STON1: variants seen among roughly 807,000 people sequenced by gnomAD.
The protein encoded by STON1 is stonin 1, also known as stonin-1.
In STON1, 79 loss-of-function variants were observed where a neutral mutation model predicts 60.9. The ratio of observed to expected loss-of-function variants is 1.30; its 90% CI spans 1.08 to 1.56. STON1 has a LOEUF of 1.56. Ranked by LOEUF, STON1 falls within the 40% of genes most tolerant of loss-of-function variation. The pLI, the probability that STON1 is intolerant of heterozygous loss-of-function variation, is 0.00. For synonymous variants in STON1, 363 were observed against 306.9 expected, an observed-to-expected ratio of 1.18 and a Z score of -1.91; for missense variants, 1,166 against 858.9, an observed-to-expected ratio of 1.36 and a Z score of -4.47.
intron 2 of STON1, among the ~76,000 whole-genome samples, chr2:48,585,260 T>G (rs1301793323): frequency 6.6e-6 from 1 of 152,110 alleles, no homozygotes; most frequent in Non-Finnish European, 1.5e-5. Context: ...TTTTTTTTCT[T>G]TTTTTGGGAT....
intron 1 of STON1, among the ~76,000 whole-genome samples, chr2:48,567,975 AC>A (rs1388505807): frequency 6.6e-6 from 1 of 152,190 alleles, no homozygotes; most frequent in Non-Finnish European, 1.5e-5. Context: ...AGCCAATGGA[AC>A]CGCACAGACA....
intron 2 of STON1, 63 bp downstream of exon 2, chr2:48,582,626 C>T: frequency 1.3e-6 from 2 of 1,548,130 alleles, no homozygotes; most frequent in South Asian, 1.3e-5. Flanking sequence ...TTACCTTCCT[C>T]CTTGGGTTGA....
intron 2 of STON1, among the ~76,000 whole-genome samples, chr2:48,586,083 T>G (rs990714163): frequency 6.6e-6 from 1 of 152,234 alleles, no homozygotes; most frequent in Non-Finnish European, 1.5e-5. Context: ...GGCTAAAGCC[T>G]GGCCAGGGTA....
At chr2:48,558,868 C>G (rs139418849) in intron 1 of STON1, among the ~76,000 whole-genome samples, 2 of 152,266 alleles carry the variant, frequency 1.3e-5, no homozygotes, top group African/African-American at 4.8e-5. Flanking sequence ...TTTCTCTGGC[C>G]TTTCCTACAA....
intron 1 of STON1, among the ~76,000 whole-genome samples, chr2:48,565,186 G>A (rs1672887525): frequency 6.6e-6 from 1 of 150,902 alleles, no homozygotes; most frequent in South Asian, 2.1e-4. Flanking sequence ...CCGAGTGGCT[G>A]GGACTACAGG....
chr2:48,569,167 A>C (rs971534855), intron 1 of STON1: 3 of 152,242 alleles, frequency 2.0e-5, no homozygotes, highest in Non-Finnish European at 4.4e-5. Context: ...TGTGAGTATT[A>C]AATGAGATCA....
chr2:48,533,894 C>T (rs1288656358), intron 1 of STON1, among the ~76,000 whole-genome samples: 29 of 151,536 alleles, frequency 1.9e-4, no homozygotes, highest in South Asian at 2.1e-4. Context: ...CTCAGCCACC[C>T]GAGTACCTGG....
At chr2:48,583,630 T>TTC (rs1468591588) in intron 2 of STON1, among the ~76,000 whole-genome samples, 7 of 150,328 alleles carry the variant, frequency 4.7e-5, no homozygotes, top group Admixed American at 1.3e-4. Flanking sequence ...TTTTTTTTTT[T>TTC]CCCCCCTAGC....
chr2:48,577,169 G>C (rs1212878754), intron 1 of STON1, among the ~76,000 whole-genome samples: 1 of 152,084 alleles, frequency 6.6e-6, no homozygotes, highest in East Asian at 1.9e-4. Flanking sequence ...AAACTTTTAA[G>C]TTTAATGGTG....
At chr2:48,541,723 AC>A (rs1200126704) in intron 1 of STON1, among the ~76,000 whole-genome samples, 58 of 135,902 alleles carry the variant, frequency 4.3e-4, no homozygotes, top group Admixed American at 8.9e-4. Context: ...AAAAAAAAAA[AC>A]CACACAAAAA....
chr2:48,553,932 G>A (rs1378695202), intron 1 of STON1, among the ~76,000 whole-genome samples: 1 of 152,240 alleles, frequency 6.6e-6, no homozygotes, highest in Non-Finnish European at 1.5e-5. Flanking sequence ...CTGGCTTCAT[G>A]GTTCCCAGGC....
chr2:48,572,814 A>G (rs1558618913), intron 1 of STON1, among the ~76,000 whole-genome samples: 1 of 152,108 alleles, frequency 6.6e-6, no homozygotes, highest in Non-Finnish European at 1.5e-5. Context: ...AGTGCTGCTG[A>G]TTTCCTACCT....
chr2:48,540,559 C>CT lies in STON1; in HGVS notation c.-48+10346dup, dbSNP rs1671611667. Among the ~76,000 whole-genome samples the CT allele has an allele frequency of 3.3e-5, 5 of 152,276 alleles. 1 individual carries two copies. The South Asian group carries it at 1.0e-3, about 32-fold the overall frequency. ...GGCAGAGCATGGAAGGGCTGTGCCC[C>CT]TTTCCTCATACTGCCCTACACATCC... is the stretch of plus-strand genomic sequence containing the variant. On this transcript the variant is annotated intron_variant, in intron 1 of 3. Transcript: ENST00000404752.
At chr2:48,558,974 C>G (rs149649552) in intron 1 of STON1, among the ~76,000 whole-genome samples, 30 of 152,254 alleles carry the variant, frequency 2.0e-4, no homozygotes, top group African/African-American at 6.5e-4. Context: ...CGAATGCTGA[C>G]CTGAGGCTGA....
At chr2:48,565,299 G>T (rs907057069) in intron 1 of STON1, among the ~76,000 whole-genome samples, 1 of 151,934 alleles carries the variant, frequency 6.6e-6, no homozygotes, top group Non-Finnish European at 1.5e-5. Flanking sequence ...TGATCCACCC[G>T]CCTCGGCCTC....
chr2:48,560,650 G>A (rs1156953235), intron 1 of STON1, among the ~76,000 whole-genome samples: 1 of 152,202 alleles, frequency 6.6e-6, no homozygotes, highest in Non-Finnish European at 1.5e-5. Flanking sequence ...AGGGTATGAA[G>A]AGGCAGCCGT....
At position 48,555,073 on chromosome 2, in the gene STON1, CAG is replaced by C. The variant is rs1672265984; in HGVS notation, c.-48+24860_-48+24861del. Among the ~76,000 whole-genome samples the C allele has an allele frequency of 3.2e-5, 2 of 62,236 alleles. 1 individual carries two copies. Among genetic ancestry groups the C allele is most frequent in the Non-Finnish European group, 6.3e-5 (2 of 31,738 alleles). The allele number at this position is 62,236 out of a possible 152,430, so 40.8% of individuals were successfully genotyped here. On this transcript the variant is annotated intron_variant, in intron 1 of 3. Coordinates refer to ENST00000404752, the MANE Select transcript of STON1 (RefSeq NM_006873.4). Reference sequence around the variant, plus strand: ...GTCACAGATCAACAGGATCCCAAGACAGAGGAATTTTTCTTAGTGCAGAACAA... The same window carrying C: ...GTCACAGATCAACAGGATCCCAAGACAGGAATTTTTCTTAGTGCAGAACAA...
chr2:48,549,701 A>T (rs1223882558), intron 1 of STON1, among the ~76,000 whole-genome samples: 1 of 150,968 alleles, frequency 6.6e-6, no homozygotes, highest in African/African-American at 2.4e-5. Flanking sequence ...AATCCCAGCT[A>T]CTTGGGAAGC....
At chr2:48,542,374 C>T (rs969674969) in intron 1 of STON1, among the ~76,000 whole-genome samples, 1 of 152,202 alleles carries the variant, frequency 6.6e-6, no homozygotes, top group Non-Finnish European at 1.5e-5. Flanking sequence ...TAAGCTTTGC[C>T]ACTAATTAGA....
Sources: gnomAD v4.1 joint callset for allele counts (sites outside exome capture counted in the v4.1 genomes callset) on GRCh38, gnomAD v4.1.1 for gene constraint, MANE v1.5 for transcripts, NCBI Gene and HGNC (gene_info 2026-07-23, HGNC 2026-07-21) for gene names.